GEMIN5: variants seen among roughly 807,000 people sequenced by gnomAD.
The protein encoded by GEMIN5 is gem nuclear organelle associated protein 5, also known as gem-associated protein 5.
Under a neutral mutation model 176.9 loss-of-function variants are expected in GEMIN5, and 124 were observed. The ratio of observed to expected loss-of-function variants is 0.70; its 90% CI spans 0.61 to 0.81. The LOEUF (loss-of-function observed/expected upper bound fraction) is 0.81, where lower values mean the gene tolerates loss of function less well. GEMIN5 is among the 40% of genes least tolerant of loss of function. The probability of loss-of-function intolerance (pLI) is 0.00; values close to 1 mark genes in which losing one functional copy is unlikely to be tolerated. For synonymous variants in GEMIN5, 673 were observed against 665.2 expected, an observed-to-expected ratio of 1.01 and a Z score of -0.18; for missense variants, 1,843 against 1,814.6, an observed-to-expected ratio of 1.02 and a Z score of -0.28.
chr5:154,918,980 G>A (rs1326558480), intron 11 of GEMIN5, among the ~76,000 whole-genome samples: 1 of 152,186 alleles, frequency 6.6e-6, no homozygotes, highest in Non-Finnish European at 1.5e-5. Flanking sequence ...GGTGGAGGCT[G>A]CAGTGAGCTG....
Position 154,891,755 on chromosome 5 carries a change from G to A in GEMIN5, c.3761-13C>T, listed in dbSNP as rs1414245891. On this transcript the variant is annotated splice_polypyrimidine_tract_variant and intron_variant, in intron 25 of 27. Transcript: ENST00000285873. ...AGGTGGTCACAGCCTAGGAAAAGAG[G>A]AAAAAGATACTGGGTCATGCATTTC... The A allele has an allele frequency of 6.4e-7, 1 of 1,562,758 alleles. No individual in the cohort carries two copies. Among genetic ancestry groups the A allele is most frequent in the Admixed American group, 2.1e-5 (1 of 47,686 alleles).
intron 16 of GEMIN5, among the ~76,000 whole-genome samples, chr5:154,906,366 TATACTTTGCTCAG>T (rs774316839): frequency 8.5e-5 from 13 of 152,194 alleles, no homozygotes; most frequent in Non-Finnish European, 1.6e-4. Flanking sequence ...AAGGAGTTCC[TATACTTTGCTCAG>T]GTGACAAAGC....
At chr5:154,935,396 T>TATTC (rs1764246576) in intron 3 of GEMIN5, among the ~76,000 whole-genome samples, 1 of 152,202 alleles carries the variant, frequency 6.6e-6, no homozygotes, top group African/African-American at 2.4e-5. Context: ...CGGGGATGTA[T>TATTC]ATTCAGGCAG....
At chr5:154,889,707 T>C (rs1295919209) in intron 26 of GEMIN5, among the ~76,000 whole-genome samples, 5 of 152,226 alleles carry the variant, frequency 3.3e-5, no homozygotes, top group African/African-American at 1.2e-4. Context: ...CTACTTTCTG[T>C]CTCTATAAAT....
chr5:154,918,624 C>A (rs1464377156), intron 11 of GEMIN5, among the ~76,000 whole-genome samples: 1 of 152,166 alleles, frequency 6.6e-6, no homozygotes, highest in African/African-American at 2.4e-5. Context: ...GTCTCTTATT[C>A]ATTGCTGAAT....
At position 154,915,709 on chromosome 5, in the gene GEMIN5, T is replaced by C. The variant is rs1228149648; in HGVS notation, c.1855+1289A>G. The stretch of plus-strand genomic sequence containing the variant: ...AACGTTACCTATCACCCTCACAGGA[T>C]TGTGAGAATCAGATGCAATCAAACA... On this transcript the variant is annotated intron_variant, in intron 13 of 27. Coordinates refer to ENST00000285873, the MANE Select transcript of GEMIN5 (RefSeq NM_015465.5). Among the ~76,000 whole-genome samples the C allele has an allele frequency of 3.9e-5, 6 of 152,168 alleles. No homozygotes were observed. In the East Asian group the frequency reaches 5.8e-4, roughly 15 times the overall value.
chr5:154,903,857 G>A (rs965801697), intron 18 of GEMIN5, among the ~76,000 whole-genome samples: 11 of 151,672 alleles, frequency 7.3e-5, no homozygotes, highest in Non-Finnish European at 1.3e-4. Context: ...AATAGAGAGA[G>A]GGTCTCACTA....
At chr5:154,910,773 A>C (rs1763684383) in intron 15 of GEMIN5, among the ~76,000 whole-genome samples, 1 of 152,148 alleles carries the variant, frequency 6.6e-6, no homozygotes, top group African/African-American at 2.4e-5. Flanking sequence ...ATCTCGGCTC[A>C]CTGCAAGCTC....
chr5:154,892,709 G>C (rs749129236), intron 24 of GEMIN5, 160 bp from the exon 25 acceptor site: 22 of 638,968 alleles, frequency 3.4e-5, no homozygotes, highest in Admixed American at 2.0e-4. Flanking sequence ...TTCCCACATC[G>C]GAAACTCTCA....
intron 3 of GEMIN5, among the ~76,000 whole-genome samples, chr5:154,933,872 TC>T (rs1368064790): frequency 6.6e-6 from 1 of 152,096 alleles, no homozygotes; most frequent in Non-Finnish European, 1.5e-5. Flanking sequence ...CTGTTCATCC[TC>T]TCTATCAACC....
At position 154,936,026 on chromosome 5, in the gene GEMIN5, TAAAAC is replaced by T. The variant is rs1173095797; in HGVS notation, c.328-9_328-5del. On this transcript the variant is annotated splice_region_variant and splice_polypyrimidine_tract_variant and intron_variant, in intron 2 of 27. Transcript: ENST00000285873. The stretch of plus-strand genomic sequence containing the variant: ...AATGTAATGTTGATATCGTATGCTT[TAAAAC>T]AAAACAAAAATTTGTTATTGTCAAT... The T allele has an allele frequency of 6.4e-6, 10 of 1,562,830 alleles. No homozygotes were observed. Among genetic ancestry groups the T allele is most frequent in the Non-Finnish European group, 8.6e-6 (10 of 1,157,200 alleles).
At chr5:154,909,025 G>A (rs866839237) in intron 15 of GEMIN5, among the ~76,000 whole-genome samples, 1 of 151,772 alleles carries the variant, frequency 6.6e-6, no homozygotes, top group East Asian at 1.9e-4. Context: ...CAGAATCTCC[G>A]TTCACGGCAG....
At chr5:154,918,265 A>T (rs1297296972) in intron 11 of GEMIN5, among the ~76,000 whole-genome samples, 2 of 152,214 alleles carry the variant, frequency 1.3e-5, no homozygotes, top group African/African-American at 4.8e-5. Context: ...ACCTTGTGAA[A>T]TATATACTTA....
chr5:154,908,460 C>A (rs1389899849), intron 15 of GEMIN5, among the ~76,000 whole-genome samples: 1 of 152,136 alleles, frequency 6.6e-6, no homozygotes, highest in East Asian at 1.9e-4. Context: ...GGATTACAGG[C>A]ATGAGCCACC....
intron 3 of GEMIN5, among the ~76,000 whole-genome samples, chr5:154,933,246 T>C (rs1378837613): frequency 2.6e-5 from 4 of 152,228 alleles, no homozygotes; most frequent in Admixed American, 2.0e-4. Context: ...TCCTAGCCTT[T>C]CTTTGTATAT....
chr5:154,930,519 A>C (rs1764138442), intron 5 of GEMIN5, among the ~76,000 whole-genome samples: 2 of 152,266 alleles, frequency 1.3e-5, no homozygotes, highest in African/African-American at 4.8e-5. Flanking sequence ...TTAGAAAGGA[A>C]GGATATGCTG....
intron 24 of GEMIN5, among the ~76,000 whole-genome samples, chr5:154,894,838 C>T (rs958319959): frequency 2.0e-5 from 3 of 151,316 alleles, no homozygotes; most frequent in Non-Finnish European, 4.4e-5. Flanking sequence ...ACCTGGGAGG[C>T]GGAGATTGCA....
chr5:154,898,727 C>T (rs1009937738), intron 22 of GEMIN5, 77 bp from the exon 23 acceptor site: 3 of 1,195,926 alleles, frequency 2.5e-6, no homozygotes, highest in Non-Finnish European at 2.4e-6. Flanking sequence ...GGAATCATTT[C>T]TTTCTATCTA....
rs368285231 is a variant in GEMIN5, at chr5:154,891,215, C to T, written c.4262+26G>A. On this transcript the variant is annotated intron_variant, in intron 26 of 27. Transcript: ENST00000285873. ...TAGCCAGCAGGGTCATTTTTCATTC[C>T]GTCTTGTACTTGCCTCAGTACTTAC... The T allele has an allele frequency of 4.6e-5, 73 of 1,578,338 alleles. 1 individual carries two copies. Among genetic ancestry groups the T allele is most frequent in the Admixed American group, 2.7e-4 (15 of 55,032 alleles).
Sources: allele counts gnomAD v4.1 joint callset (sites outside exome capture counted in the v4.1 genomes callset), GRCh38; gene constraint gnomAD v4.1.1; transcripts MANE v1.5; gene names NCBI Gene and HGNC (gene_info 2026-07-23, HGNC 2026-07-21).